Variants in ZNF668 observed in about 807,000 individuals in gnomAD.
The protein encoded by ZNF668 is zinc finger protein 668.
A neutral mutation model predicts 40.3 loss-of-function variants in ZNF668; 10 were observed. That is an observed-to-expected ratio of 0.25 (90% CI 0.15 to 0.42). ZNF668 has a LOEUF of 0.42. Ranked by LOEUF, ZNF668 falls within the 10% of genes least tolerant of loss-of-function variation. The pLI, the probability that ZNF668 is intolerant of heterozygous loss-of-function variation, is 1.00. For synonymous variants in ZNF668, 428 were observed against 384.6 expected, an observed-to-expected ratio of 1.11 and a Z score of -1.32; for missense variants, 749 against 904.6, an observed-to-expected ratio of 0.83 and a Z score of 2.21.
In ZNF668 at chr16:31,061,813, G is replaced by A. The variant is rs777926503; in HGVS notation, c.1115C>T (p.Ala372Val). Residue 372 changes from alanine to valine, a missense_variant, in exon 3 of 3, where the codon GCC (alanine) becomes GTC (valine). By Grantham distance (64) the Ala-to-Val change is moderately conservative (BLOSUM62 0). Coordinates refer to ENST00000300849, the MANE Select transcript of ZNF668 (RefSeq NM_024706.5). The surrounding 1 kb of genome is among the most constrained non-coding windows in gnomAD (Gnocchi z 7.7). ...CGTGAGGCTGGCACGCTCGGCGAAG[G>A]CTCGCCCGCACTCCTCACAGCGGAA... ...RPFRCEECGR[A>V]FAERASLTKH... is the part of the protein sequence containing the mutation. The A allele has an allele frequency of 8.7e-6, 14 of 1,612,172 alleles. No individual in the cohort carries two copies. The highest frequency in any genetic ancestry group is 1.7e-5 in the Admixed American group (1 of 59,916).
chr16:31,068,240 ATATATATATAT>A (rs1487825735), intron 1 of ZNF668, among the ~76,000 whole-genome samples: 2 of 68,830 alleles, frequency 2.9e-5, no homozygotes, highest in African/African-American at 1.4e-4. Context: ...AAAAAAAAAA[ATATATATATAT>A]ATATATATAT....
At chr16:31,066,243 C>A (rs1240623435) in intron 1 of ZNF668, 7 of 985,450 alleles carry the variant, frequency 7.1e-6, no homozygotes, top group Non-Finnish European at 8.4e-6. Flanking sequence ...CCATGCAAAT[C>A]CCCAGGTCCT....
At chr16:31,070,491 A>G (rs933882181) in intron 1 of ZNF668, among the ~76,000 whole-genome samples, 1 of 151,812 alleles carries the variant, frequency 6.6e-6, no homozygotes, top group Non-Finnish European at 1.5e-5. Flanking sequence ...TACAGGCATG[A>G]GCCACCGCAC....
intron 2 of ZNF668, 87 bp from the exon 3 acceptor site, chr16:31,062,367 C>T: frequency 6.7e-7 from 1 of 1,490,092 alleles, no homozygotes; most frequent in Non-Finnish European, 8.9e-7. Context: ...TAGGGGCTCC[C>T]CAAACGTTCG....
In ZNF668 at chr16:31,062,019, T is replaced by C. The variant is rs765455214; in HGVS notation, c.909A>G (p.Glu303=). 3.7e-6 allele frequency: 6 copies of C among 1,613,454 alleles called. No individual in the cohort carries two copies. Among genetic ancestry groups the C allele is most frequent in the Non-Finnish European group, 5.1e-6 (6 of 1,179,812 alleles). ...SSFRRHQRAH[E]GVKPYHCEKC... ...TCTCGCAGTGGTATGGCTTCACCCC[T>C]TCATGGGCGCGCTGGTGGCGACGGA... The change falls in exon 3 of 3, where the codon GAA becomes GAG. Residue 303 remains glutamate (E), a synonymous_variant. Transcript: ENST00000300849.
At chr16:31,063,695 G>A (rs956515180) in intron 2 of ZNF668, 118 bp downstream of exon 2, 2 of 1,200,694 alleles carry the variant, frequency 1.7e-6, no homozygotes, top group East Asian at 5.2e-5. Flanking sequence ...CCTTGGATCT[G>A]CCATGCCCAC....
At chr16:31,071,430 G>A (rs1001763317) in intron 1 of ZNF668, among the ~76,000 whole-genome samples, 5 of 152,160 alleles carry the variant, frequency 3.3e-5, no homozygotes, top group Admixed American at 1.3e-4. Context: ...GCCTCCCAAA[G>A]TGCTGGGATT....
intron 2 of ZNF668, chr16:31,062,608 T>TA (rs1229467512): frequency 4.6e-6 from 1 of 215,338 alleles, no homozygotes; most frequent in African/African-American, 2.4e-5. Flanking sequence ...ACTAAAACTA[T>TA]AAAAAATTAG....
At chr16:31,066,249 G>T in intron 1 of ZNF668, 1 of 985,398 alleles carries the variant, frequency 1.0e-6, no homozygotes, top group Non-Finnish European at 1.2e-6. Context: ...AAATCCCCAG[G>T]TCCTTCCTGC....
chr16:31,065,526 T>G (rs1391133317), intron 1 of ZNF668: 1 of 152,216 alleles, frequency 6.6e-6, no homozygotes, highest in African/African-American at 2.4e-5. Flanking sequence ...TGGATTACTA[T>G]GAGACCTCAG....
In ZNF668 at chr16:31,062,093, G is replaced by A; in HGVS notation, c.835C>T (p.Pro279Ser). 6.2e-7 allele frequency: 1 copy of A among 1,613,742 alleles called. No homozygotes were observed. The highest frequency in any genetic ancestry group is 2.2e-5 in the East Asian group (1 of 44,866). Residue 279 changes from proline (P) to serine (S), a missense_variant, in exon 3 of 3, where the codon CCC becomes TCC. By Grantham distance (74) the Pro-to-Ser change is moderately conservative. Coordinates refer to ENST00000300849, the MANE Select transcript of ZNF668 (RefSeq NM_024706.5). ...CGGCCGCAGCGCGGGCACAGGAAGG[G>A]CTTCTCCCCCGAGTGCGTGCGCTCG... The part of the protein sequence containing the change: ...SHERTHSGEK[P>S]FLCPRCGRMF...
Position 31,061,807 on chromosome 16 carries a change from G to A in ZNF668, c.1121C>T (p.Ala374Val). 1 of 1,612,918 alleles carries A rather than the reference G, an allele frequency of 6.2e-7. No homozygotes were observed. The highest frequency in any genetic ancestry group is 8.5e-7 in the Non-Finnish European group (1 of 1,179,872). The change falls in exon 3 of 3, where the codon GCC (alanine) becomes GTC (valine). Residue 374 changes from alanine to valine, a missense_variant. Coordinates refer to ENST00000300849, the MANE Select transcript of ZNF668 (RefSeq NM_024706.5). The surrounding 1 kb of genome is among the most constrained non-coding windows in gnomAD (Gnocchi z 7.7). The part of the protein sequence containing the change: ...FRCEECGRAF[A>V]ERASLTKHSR... ...ATGCTTCGTGAGGCTGGCACGCTCGGCGAAGGCTCGCCCGCACTCCTCACA... is the reference window on the plus strand; with the variant it reads ...ATGCTTCGTGAGGCTGGCACGCTCGACGAAGGCTCGCCCGCACTCCTCACA...
intron 1 of ZNF668, among the ~76,000 whole-genome samples, chr16:31,065,837 G>C (rs959131887): frequency 6.7e-6 from 1 of 149,218 alleles, no homozygotes; most frequent in Non-Finnish European, 1.5e-5. Flanking sequence ...CTGGGCGACA[G>C]AGCAAGACTC....
chr16:31,064,001 G>C lies in ZNF668; in HGVS notation c.459C>G (p.Ser153=). Residue 153 remains serine, a synonymous_variant, in exon 2 of 3, where the codon TCC becomes TCG. Transcript: ENST00000300849. The part of the protein sequence containing the change: ...AHCPKAYGAL[S]KLKIHQRGHT... Reference sequence around the variant, plus strand: ...GGCCACGCTGGTGGATCTTGAGCTTGGAGAGCGCGCCATAGGCCTTCGGGC... The same window carrying C: ...GGCCACGCTGGTGGATCTTGAGCTTCGAGAGCGCGCCATAGGCCTTCGGGC... The C allele has an allele frequency of 6.2e-7, 1 of 1,609,844 alleles. No individual in the cohort carries two copies. Among genetic ancestry groups the C allele is most frequent in the Non-Finnish European group, 8.5e-7 (1 of 1,177,372 alleles).
rs553159663 is a variant in ZNF668 at position 31,062,072 on chromosome 16, C to T, written c.856G>A (p.Gly286Ser). The change falls in exon 3 of 3, where the codon GGC (glycine) becomes AGC (serine). Residue 286 changes from glycine to serine, a missense_variant. Coordinates refer to ENST00000300849, the MANE Select transcript of ZNF668 (RefSeq NM_024706.5). ...GEKPFLCPRC[G>S]RMFSDPSSFR... ...CTCGAGGGGTCGGAGAACATGCGGC[C>T]GCAGCGCGGGCACAGGAAGGGCTTC... 1.2e-6 allele frequency: 2 copies of T among 1,613,682 alleles called. No individual in the cohort carries two copies. The highest frequency in any genetic ancestry group is 1.3e-5 in the African/African-American group (1 of 75,052).
Position 31,061,666 on chromosome 16 carries a change from C to T in ZNF668, c.1262G>A (p.Gly421Asp). The change falls in exon 3 of 3, where the codon GGT becomes GAT. Residue 421 changes from glycine to aspartate, a missense_variant. By Grantham distance (94) the Gly-to-Asp change is moderately conservative. Around this residue, in one of 4 missense-constraint regions of ZNF668, gnomAD observed 310 missense variants for 355.1 expected, o/e 0.87. Transcript: ENST00000300849. The surrounding 1 kb of genome is among the most constrained non-coding windows in gnomAD (Gnocchi z 7.7). The stretch of plus-strand genomic sequence containing the variant: ...CACCAGCTCCTGTGCAGGGGGCACA[C>T]CCGCGGCCTCACTGCTTCGATGGGT... ...ERTHRSSEAA[G>D]VPPAQELVVG... 1.9e-6 allele frequency: 3 copies of T among 1,613,238 alleles called. No individual in the cohort carries two copies. Among genetic ancestry groups the T allele is most frequent in the Non-Finnish European group, 1.7e-6 (2 of 1,179,904 alleles).
chr16:31,062,481 A>G (rs903438963), intron 2 of ZNF668: 1 of 709,932 alleles, frequency 1.4e-6, no homozygotes, highest in African/African-American at 1.8e-5. Flanking sequence ...GTCTCTGCAC[A>G]TTAAAGACCA....
At chr16:31,065,171 G>T in intron 1 of ZNF668, 1 of 985,778 alleles carries the variant, frequency 1.0e-6, no homozygotes, top group Non-Finnish European at 1.2e-6. Flanking sequence ...CTGAGCCATT[G>T]CTAGCAGCTG....
At chr16:31,063,786 G>A (rs2143762769) in intron 2 of ZNF668, 27 bp downstream of exon 2, 1 of 1,518,336 alleles carries the variant, frequency 6.6e-7, no homozygotes, top group Non-Finnish European at 8.8e-7. Flanking sequence ...GCCCCGGAAG[G>A]CGCCCTGCCC....
Sources: allele counts gnomAD v4.1 joint callset (sites outside exome capture counted in the v4.1 genomes callset), GRCh38; gene constraint gnomAD v4.1.1; regional missense constraint gnomAD v4.1.1; non-coding constraint Gnocchi (gnomAD v3.1); transcripts MANE v1.5; gene names NCBI Gene and HGNC (gene_info 2026-07-23, HGNC 2026-07-21).